The following AKT3 variants were observed in gnomAD, a reference collection of about 807,000 sequenced individuals.
AKT3 encodes AKT serine/threonine kinase 3.
Under a neutral mutation model 65.3 loss-of-function variants are expected in AKT3, and 15 were observed. That is an observed-to-expected ratio of 0.23 (90% CI 0.15 to 0.35). The LOEUF (loss-of-function observed/expected upper bound fraction) is 0.35, where lower values mean the gene tolerates loss of function less well. Ranked by LOEUF, AKT3 falls within the 10% of genes least tolerant of loss-of-function variation. AKT3 has a pLI of 1.00. For synonymous variants in AKT3, 206 were observed against 183.8 expected (o/e 1.12, Z -0.98); for missense variants, 243 against 576.5 (o/e 0.42, Z 5.92).
chr1:243,581,267 G>GGC (rs1311796310), intron 8 of AKT3, among the ~76,000 whole-genome samples: 1 of 152,186 alleles, frequency 6.6e-6, no homozygotes, highest in Admixed American at 6.5e-5. Context: ...CCTGGGGCTG[G>GGC]GCAGTGAGCT....
intron 2 of AKT3, among the ~76,000 whole-genome samples, chr1:243,721,949 G>A (rs142000528): frequency 2.0e-5 from 3 of 152,074 alleles, no homozygotes; most frequent in East Asian, 1.9e-4. Flanking sequence ...TAACATAGAC[G>A]TTATAATAAT....
chr1:243,599,671 G>T (rs1291795071), intron 8 of AKT3, among the ~76,000 whole-genome samples: 1 of 152,052 alleles, frequency 6.6e-6, no homozygotes, highest in East Asian at 1.9e-4. Flanking sequence ...ATTACTAATA[G>T]AAATTCTTCA....
chr1:243,729,240 G>A (rs1687397412), intron 2 of AKT3, among the ~76,000 whole-genome samples: 1 of 152,146 alleles, frequency 6.6e-6, no homozygotes, highest in African/African-American at 2.4e-5. Context: ...AGAATGGGAA[G>A]CAATATGTCA....
chr1:243,557,088 C>A (rs1673459943), intron 10 of AKT3, among the ~76,000 whole-genome samples: 1 of 152,134 alleles, frequency 6.6e-6, no homozygotes, highest in African/African-American at 2.4e-5. Flanking sequence ...CAAAAGCAAA[C>A]TCTGGCTAGC....
intron 3 of AKT3, among the ~76,000 whole-genome samples, chr1:243,692,130 C>T (rs888980649): frequency 1.3e-5 from 2 of 152,144 alleles, no homozygotes; most frequent in Admixed American, 1.3e-4. Flanking sequence ...CAAAAGATAG[C>T]ACCTTAGCAT....
intron 2 of AKT3, among the ~76,000 whole-genome samples, chr1:243,823,834 A>C (rs959499012): frequency 1.3e-5 from 2 of 152,248 alleles, no homozygotes; most frequent in African/African-American, 4.8e-5. Context: ...CATACTGCCT[A>C]AAATAATTTA....
chr1:243,685,854 A>G (rs2147992014), intron 3 of AKT3, among the ~76,000 whole-genome samples: 1 of 152,000 alleles, frequency 6.6e-6, no homozygotes, highest in South Asian at 2.1e-4. Flanking sequence ...TATTTAGAAA[A>G]CCCCTTCTTC....
chr1:243,655,245 T>G (rs1681679665), intron 4 of AKT3, among the ~76,000 whole-genome samples: 1 of 152,208 alleles, frequency 6.6e-6, no homozygotes, highest in African/African-American at 2.4e-5. Flanking sequence ...AACTCATAAT[T>G]CCAAATGTTT....
At chr1:243,659,828 A>T (rs1682138259) in intron 4 of AKT3, among the ~76,000 whole-genome samples, 1 of 152,206 alleles carries the variant, frequency 6.6e-6, no homozygotes, top group Admixed American at 6.5e-5. Flanking sequence ...ACTCACACTA[A>T]CCCTCTCTAA....
intron 12 of AKT3, among the ~76,000 whole-genome samples, chr1:243,541,485 C>T (rs1672315882): frequency 6.6e-6 from 1 of 151,974 alleles, no homozygotes; most frequent in Non-Finnish European, 1.5e-5. Context: ...CCACGCTCAT[C>T]TTTTTTTCTC....
chr1:243,671,370 G>A (rs765818639), intron 3 of AKT3, among the ~76,000 whole-genome samples: 3 of 152,128 alleles, frequency 2.0e-5, no homozygotes, highest in Non-Finnish European at 4.4e-5. Flanking sequence ...GTGAGCCACT[G>A]CATCCGGCCA....
intron 2 of AKT3, among the ~76,000 whole-genome samples, chr1:243,762,521 T>G (rs1689551489): frequency 1.3e-5 from 2 of 152,074 alleles, no homozygotes; most frequent in African/African-American, 4.8e-5. Context: ...AACGGACTGT[T>G]TTCCGTACTA....
intron 2 of AKT3, among the ~76,000 whole-genome samples, chr1:243,838,908 A>G (rs1364934700): frequency 6.6e-6 from 1 of 152,218 alleles, no homozygotes; most frequent in African/African-American, 2.4e-5. Flanking sequence ...TACTAATACA[A>G]AAAGTAGAAT....
chr1:243,630,793 T>C (rs953825936), intron 6 of AKT3, among the ~76,000 whole-genome samples: 2 of 147,382 alleles, frequency 1.4e-5, no homozygotes, highest in African/African-American at 4.9e-5. Flanking sequence ...CGGTGCTTTG[T>C]CTATTGATAA....
At chr1:243,796,399 T>C (rs1365954640) in intron 2 of AKT3, among the ~76,000 whole-genome samples, 2 of 152,254 alleles carry the variant, frequency 1.3e-5, no homozygotes, top group African/African-American at 4.8e-5. Flanking sequence ...CAAGGATGCT[T>C]GTCCACACAG....
intron 2 of AKT3, among the ~76,000 whole-genome samples, chr1:243,781,232 C>T (rs1452067719): frequency 1.3e-5 from 2 of 151,992 alleles, no homozygotes; most frequent in Admixed American, 1.3e-4. Context: ...CATGTTAGCA[C>T]ATAATCTTTT....
downstream of AKT3, among the ~76,000 whole-genome samples, chr1:243,495,426 G>A (rs1667566285): frequency 6.6e-6 from 1 of 152,334 alleles, no homozygotes; most frequent in East Asian, 1.9e-4. Flanking sequence ...GGGAAGGAGG[G>A]CTTTGAACTC....
chr1:243,773,262 A>G (rs1366943064), intron 2 of AKT3, among the ~76,000 whole-genome samples: 1 of 150,794 alleles, frequency 6.6e-6, no homozygotes, highest in African/African-American at 2.4e-5. Flanking sequence ...CTCTTTAGAG[A>G]CATGTAAAGG....
intron 2 of AKT3, among the ~76,000 whole-genome samples, chr1:243,738,458 G>T (rs1256227575): frequency 6.6e-6 from 1 of 152,174 alleles, no homozygotes; most frequent in Admixed American, 6.5e-5. Flanking sequence ...ATCAGATACT[G>T]TTAGGGCTTC....
Sources: allele counts gnomAD v4.1 joint callset (sites outside exome capture counted in the v4.1 genomes callset), GRCh38; gene constraint gnomAD v4.1.1; transcripts MANE v1.5; gene names NCBI Gene and HGNC (gene_info 2026-07-23, HGNC 2026-07-21).